GATAD2A: variants seen among roughly 807,000 people sequenced by gnomAD.
GATAD2A encodes transcriptional repressor p66-alpha.
A neutral mutation model predicts 68.5 loss-of-function variants in GATAD2A; 12 were observed. The ratio of observed to expected loss-of-function variants is 0.18; its 90% CI spans 0.11 to 0.28. The LOEUF (loss-of-function observed/expected upper bound fraction) is 0.28. GATAD2A is among the 10% of genes least tolerant of loss of function. GATAD2A has a pLI of 1.00. For synonymous variants in GATAD2A, 410 were observed against 375.3 expected (o/e 1.09, Z -1.07); for missense variants, 755 against 868.5 (o/e 0.87, Z 1.64).
At chr19:19,459,459 T>C (rs2057231888) in intron 1 of GATAD2A, among the ~76,000 whole-genome samples, 1 of 152,084 alleles carries the variant, frequency 6.6e-6, no homozygotes, top group Non-Finnish European at 1.5e-5. Flanking sequence ...CATAGCATTG[T>C]CTGTGAAGTA....
intron 1 of GATAD2A, among the ~76,000 whole-genome samples, chr19:19,440,780 A>T (rs1204570912): frequency 6.6e-6 from 1 of 152,236 alleles, no homozygotes; most frequent in Admixed American, 6.5e-5. Flanking sequence ...GTCAGTTGTA[A>T]CACACATTGG....
chr19:19,453,583 C>A (rs1379284322), intron 1 of GATAD2A, among the ~76,000 whole-genome samples: 1 of 152,120 alleles, frequency 6.6e-6, no homozygotes, highest in Admixed American at 6.6e-5. Flanking sequence ...GCAGCCTTGA[C>A]CTCCTGGATT....
intron 1 of GATAD2A, among the ~76,000 whole-genome samples, chr19:19,452,265 G>GGA (rs2056471253): frequency 1.3e-5 from 2 of 152,224 alleles, no homozygotes; most frequent in South Asian, 4.1e-4. Context: ...CAGTCTTCTT[G>GGA]TTGCCCTTGG....
intron 2 of GATAD2A, among the ~76,000 whole-genome samples, chr19:19,469,483 T>C (rs533367670): frequency 1.3e-5 from 2 of 150,768 alleles, no homozygotes; most frequent in East Asian, 3.9e-4. Flanking sequence ...CTAAAAAATA[T>C]TTAACACGAA....
intron 1 of GATAD2A, among the ~76,000 whole-genome samples, chr19:19,414,517 C>A (rs554269057): frequency 6.7e-6 from 1 of 149,172 alleles, no homozygotes; most frequent in Non-Finnish European, 1.5e-5. Context: ...AGTTTCCTTC[C>A]TCAGGGCCTT....
intron 1 of GATAD2A, among the ~76,000 whole-genome samples, chr19:19,438,463 G>A (rs1245312525): frequency 6.6e-6 from 1 of 152,234 alleles, no homozygotes; most frequent in Non-Finnish European, 1.5e-5. Flanking sequence ...AGGGAAGTGA[G>A]TGACTGCCTC....
At chr19:19,424,118 T>C (rs541768813) in intron 1 of GATAD2A, among the ~76,000 whole-genome samples, 3 of 152,020 alleles carry the variant, frequency 2.0e-5, no homozygotes, top group South Asian at 4.2e-4. Flanking sequence ...AGAAACAGGG[T>C]CTCACTGTTT....
At chr19:19,393,757 G>T (rs1020627710) in intron 1 of GATAD2A, among the ~76,000 whole-genome samples, 1 of 152,108 alleles carries the variant, frequency 6.6e-6, no homozygotes, top group African/African-American at 2.4e-5. Flanking sequence ...TCTCTAAAAG[G>T]AGACAGAAAT....
chr19:19,430,373 T>C (rs1241196549), intron 1 of GATAD2A, among the ~76,000 whole-genome samples: 1 of 152,166 alleles, frequency 6.6e-6, no homozygotes, highest in Non-Finnish European at 1.5e-5. Context: ...GAAAGTTTGA[T>C]GGGACCATTA....
At position 19,405,877 on chromosome 19, in the gene GATAD2A, G is replaced by A. The variant is rs1302797031; in HGVS notation, c.-149G>A. Reference sequence around the variant, plus strand: ...GGCGGACCGGCGCAGCGAGCGCCGCGGGCCCGGGCGGCCCCACAGGCGGAA... The same window carrying A: ...GGCGGACCGGCGCAGCGAGCGCCGCAGGCCCGGGCGGCCCCACAGGCGGAA... On this transcript the variant is annotated 5_prime_UTR_variant, in exon 1 of 12. Transcript: ENST00000683918. 6.8e-6 allele frequency: 1 copy of A among 145,988 alleles called. No homozygotes were observed. The highest frequency in any genetic ancestry group is 1.5e-5 in the Non-Finnish European group (1 of 65,752). The allele number at this position is 145,988 out of a possible 1,614,324, so 9.0% of individuals were successfully genotyped here.
intron 1 of GATAD2A, among the ~76,000 whole-genome samples, chr19:19,453,987 G>A (rs200316030): frequency 7.4e-6 from 1 of 134,334 alleles, no homozygotes; most frequent in Non-Finnish European, 1.6e-5. Context: ...TTTTTTTTTT[G>A]TTTATTTTTT....
intron 4 of GATAD2A, among the ~76,000 whole-genome samples, chr19:19,493,053 G>A (rs1263455009): frequency 1.3e-5 from 2 of 150,824 alleles, no homozygotes; most frequent in South Asian, 2.1e-4. Flanking sequence ...TGATTCTCCC[G>A]CCTCAGCCTC....
intron 1 of GATAD2A, among the ~76,000 whole-genome samples, chr19:19,453,896 T>C (rs1167274699): frequency 6.6e-6 from 1 of 151,582 alleles, no homozygotes; most frequent in Non-Finnish European, 1.5e-5. Context: ...GCTCCTGGCC[T>C]CGTGATCCAC....
intron 1 of GATAD2A, among the ~76,000 whole-genome samples, chr19:19,387,660 C>A (rs1300151427): frequency 6.6e-6 from 1 of 152,034 alleles, no homozygotes; most frequent in African/African-American, 2.4e-5. Context: ...GAGGGGGTCC[C>A]CCACTTCTTT....
intron 2 of GATAD2A, among the ~76,000 whole-genome samples, chr19:19,469,758 C>T (rs2058138668): frequency 6.6e-6 from 1 of 152,022 alleles, no homozygotes; most frequent in South Asian, 2.1e-4. Flanking sequence ...CAGCCCCTGG[C>T]CAATATGGTG....
At chr19:19,443,598 GA>G (rs1245208428) in intron 1 of GATAD2A, among the ~76,000 whole-genome samples, 2 of 152,184 alleles carry the variant, frequency 1.3e-5, no homozygotes, top group African/African-American at 4.8e-5. Flanking sequence ...GAGAGAGAAG[GA>G]GAAAGGAGCG....
At chr19:19,405,622 G>A (rs12983940), upstream of GATAD2A, among the ~76,000 whole-genome samples, 29,262 of 151,146 alleles carry the variant, frequency 0.19, 3,051 homozygotes, top group South Asian at 0.35. Context: ...TCTACGCCTG[G>A]AACCCCGCCC....
At chr19:19,406,620 A>T (rs2050303727) in intron 1 of GATAD2A, among the ~76,000 whole-genome samples, 1 of 152,066 alleles carries the variant, frequency 6.6e-6, no homozygotes, top group South Asian at 2.1e-4. Flanking sequence ...AAGGCCCGAC[A>T]CTTTAAATTT....
At chr19:19,435,495 G>C (rs1251375379) in intron 1 of GATAD2A, among the ~76,000 whole-genome samples, 1 of 152,208 alleles carries the variant, frequency 6.6e-6, no homozygotes, top group Non-Finnish European at 1.5e-5. Flanking sequence ...AAAGTGTTGG[G>C]ACTACAGGCG....
Sources: gnomAD v4.1 joint callset for allele counts (sites outside exome capture counted in the v4.1 genomes callset) on GRCh38, gnomAD v4.1.1 for gene constraint, MANE v1.5 for transcripts, NCBI Gene and HGNC (gene_info 2026-07-23, HGNC 2026-07-21) for gene names.